Variants in KCTD8 observed in about 807,000 individuals in gnomAD.
KCTD8 encodes potassium channel tetramerization domain containing 8, also known as BTB/POZ domain-containing protein KCTD8.
In KCTD8, 27 loss-of-function variants were observed where a neutral mutation model predicts 31.5. The ratio of observed to expected loss-of-function variants is 0.86; its 90% confidence interval spans 0.63 to 1.18. The LOEUF is 1.18. Ranked by LOEUF, KCTD8 falls within the 50% of genes most tolerant of loss-of-function variation. The pLI, the probability that KCTD8 is intolerant of heterozygous loss-of-function variation, is 0.00. For missense variants in KCTD8, 658 were observed against 647.7 expected (o/e 1.02, Z -0.17); for synonymous variants, 290 against 280.0 (o/e 1.04, Z -0.36).
intron 1 of KCTD8, among the ~76,000 whole-genome samples, chr4:44,317,258 A>G (rs1195829633): frequency 6.1e-5 from 1 of 16,262 alleles, no homozygotes; most frequent in African/African-American, 1.8e-4. Flanking sequence ...TTTGAGACGG[A>G]GTCTCGCTCT....
chr4:44,335,585 G>T (rs1442884122), intron 1 of KCTD8, among the ~76,000 whole-genome samples: 1 of 152,040 alleles, frequency 6.6e-6, no homozygotes, highest in South Asian at 2.1e-4. Flanking sequence ...TAACTCAGGA[G>T]ATATTTTAAA....
At chr4:44,206,576 G>C (rs1432456383) in intron 1 of KCTD8, among the ~76,000 whole-genome samples, 1 of 152,148 alleles carries the variant, frequency 6.6e-6, no homozygotes, top group African/African-American at 2.4e-5. Context: ...AGTGGTCCCT[G>C]GTCAGACAGG....
At chr4:44,421,319 G>A (rs1374221642) in intron 1 of KCTD8, among the ~76,000 whole-genome samples, 1 of 151,888 alleles carries the variant, frequency 6.6e-6, no homozygotes, top group Admixed American at 6.6e-5. Context: ...TGCATTCCCT[G>A]GAGTGTGTGC....
intron 1 of KCTD8, among the ~76,000 whole-genome samples, chr4:44,375,057 T>G (rs904603496): frequency 6.6e-6 from 1 of 152,196 alleles, no homozygotes; most frequent in African/African-American, 2.4e-5. Context: ...TTTAAAGTAT[T>G]ATGACATTCA....
intron 1 of KCTD8, among the ~76,000 whole-genome samples, chr4:44,359,430 A>G (rs1046907007): frequency 2.0e-5 from 3 of 152,192 alleles, no homozygotes; most frequent in Non-Finnish European, 4.4e-5. Flanking sequence ...CTTATTTATA[A>G]AACATATTAA....
chr4:44,301,702 G>A (rs1220771714), intron 1 of KCTD8, among the ~76,000 whole-genome samples: 3 of 152,108 alleles, frequency 2.0e-5, no homozygotes, highest in Admixed American at 6.5e-5. Flanking sequence ...CTTTTGCTGT[G>A]CAGAAGCTCT....
At chr4:44,385,491 A>G (rs148265525) in intron 1 of KCTD8, among the ~76,000 whole-genome samples, 313 of 151,842 alleles carry the variant, frequency 2.1e-3, no homozygotes, top group Non-Finnish European at 2.6e-3. Flanking sequence ...GGAAAACTGT[A>G]TATCTATATA....
intron 1 of KCTD8, among the ~76,000 whole-genome samples, chr4:44,438,314 T>C (rs1029497124): frequency 6.6e-6 from 1 of 152,168 alleles, no homozygotes; most frequent in Non-Finnish European, 1.5e-5. Context: ...AGCCTGAAAT[T>C]TTGGCCAAAT....
At chr4:44,322,344 T>C (rs1345682844) in intron 1 of KCTD8, among the ~76,000 whole-genome samples, 2 of 152,066 alleles carry the variant, frequency 1.3e-5, no homozygotes, top group East Asian at 1.9e-4. Context: ...CCTGTGGTGA[T>C]TAATGATGTT....
At chr4:44,312,717 A>G (rs1466716345) in intron 1 of KCTD8, among the ~76,000 whole-genome samples, 3 of 152,166 alleles carry the variant, frequency 2.0e-5, no homozygotes, top group Non-Finnish European at 4.4e-5. Flanking sequence ...ATACACACAT[A>G]TCCATAGATT....
At chr4:44,386,333 T>G (rs1041045282) in intron 1 of KCTD8, among the ~76,000 whole-genome samples, 1 of 151,340 alleles carries the variant, frequency 6.6e-6, no homozygotes, top group Non-Finnish European at 1.5e-5. Context: ...AAATGTGGCA[T>G]GTACACAAAA....
chr4:44,443,190 A>G (rs1721856210), intron 1 of KCTD8, among the ~76,000 whole-genome samples: 1 of 152,248 alleles, frequency 6.6e-6, no homozygotes, highest in South Asian at 2.1e-4. Context: ...GTGGCTGCAG[A>G]GAAAATTTTC....
intron 1 of KCTD8, among the ~76,000 whole-genome samples, chr4:44,444,240 A>G (rs1721883672): frequency 6.6e-6 from 1 of 152,216 alleles, no homozygotes; most frequent in Admixed American, 6.5e-5. Flanking sequence ...TTCAAGTCCT[A>G]GTGCTAAAAC....
intron 1 of KCTD8, among the ~76,000 whole-genome samples, chr4:44,322,384 T>G (rs1718318998): frequency 6.6e-6 from 1 of 152,014 alleles, no homozygotes; most frequent in Non-Finnish European, 1.5e-5. Context: ...TATTGGCCAT[T>G]TGTATGTCTT....
intron 1 of KCTD8, among the ~76,000 whole-genome samples, chr4:44,188,856 C>T (rs1713674501): frequency 6.6e-6 from 1 of 152,158 alleles, no homozygotes. Context: ...TAGTGTAGCC[C>T]TGCTGACACC....
At chr4:44,365,449 A>C (rs1218478369) in intron 1 of KCTD8, among the ~76,000 whole-genome samples, 1 of 152,164 alleles carries the variant, frequency 6.6e-6, no homozygotes, top group African/African-American at 2.4e-5. Flanking sequence ...GAAATATTTT[A>C]AGATTCTTTA....
At chr4:44,346,598 C>G (rs116090785) in intron 1 of KCTD8, among the ~76,000 whole-genome samples, 1 of 151,964 alleles carries the variant, frequency 6.6e-6, no homozygotes, top group Non-Finnish European at 1.5e-5. Context: ...GAAACTGGCT[C>G]AAACTAAAAA....
At chr4:44,440,520 G>A (rs762680257) in intron 1 of KCTD8, among the ~76,000 whole-genome samples, 1 of 152,048 alleles carries the variant, frequency 6.6e-6, no homozygotes, top group Non-Finnish European at 1.5e-5. Context: ...ATTCATATGT[G>A]TATGTCTTAC....
intron 1 of KCTD8, among the ~76,000 whole-genome samples, chr4:44,305,288 CT>C (rs1373657228): frequency 4.0e-5 from 6 of 151,176 alleles, no homozygotes; most frequent in African/African-American, 9.7e-5. Flanking sequence ...ATCTCTCCCC[CT>C]AAAAGATGAA....
Sources: allele counts gnomAD v4.1 joint callset (sites outside exome capture counted in the v4.1 genomes callset), GRCh38; gene constraint gnomAD v4.1.1; transcripts MANE v1.5; gene names NCBI Gene and HGNC (gene_info 2026-07-23, HGNC 2026-07-21).